The following BOC variants were observed in gnomAD, a reference collection of about 807,000 sequenced individuals.
The protein encoded by BOC is brother of CDO.
Under a neutral mutation model 112.0 loss-of-function variants are expected in BOC, and 76 were observed. The observed-to-expected ratio is 0.68, with a 90% CI of 0.56 to 0.82. The LOEUF (loss-of-function observed/expected upper bound fraction) is 0.82, where lower values mean the gene tolerates loss of function less well. BOC is among the 40% of genes least tolerant of loss of function. The pLI is 0.00. For missense variants in BOC, 1,309 were observed against 1,511.7 expected (o/e 0.87, Z 2.22); for synonymous variants, 580 against 599.8 (o/e 0.97, Z 0.48).
In BOC at chr3:113,279,430, C is replaced by T. The variant is rs149565679; in HGVS notation, c.1998C>T (p.Ser666=). Residue 666 remains serine, a synonymous_variant, in exon 12 of 20, where the codon TCC becomes TCT. Coordinates refer to ENST00000682979, the MANE Select transcript of BOC (RefSeq NM_001378074.1). The part of the protein sequence containing the change: ...ATSAIPPSRL[S]VEITGLEKGT... ...GCGCCATCCCCCCATCGCGGCTGTC[C>T]GTGGAGATCACGGGCCTAGAGAAAG... 9.4e-5 allele frequency: 151 copies of T among 1,613,978 alleles called. No individual in the cohort carries two copies. The highest frequency in any genetic ancestry group is 2.3e-4 in the African/African-American group (17 of 74,944).
intron 2 of BOC, chr3:113,216,513 T>C: frequency 3.5e-6 from 1 of 286,244 alleles, no homozygotes; most frequent in East Asian, 8.0e-5. Flanking sequence ...GTCAGACATG[T>C]TAGATACAAA....
rs964039345 is a variant in BOC, at chr3:113,279,420, C to T, written c.1988C>T (p.Ser663Leu). 21 of 1,613,708 alleles carry T rather than the reference C, an allele frequency of 1.3e-5. No homozygotes were observed. The Admixed American group carries it at 1.8e-4, about 14-fold the overall frequency. The change falls in exon 12 of 20, where the codon TCG (serine) becomes TTG (leucine). Residue 663 changes from serine to leucine, a missense_variant. Transcript: ENST00000682979. ...CTGGCCACCAGCGCCATCCCCCCAT[C>T]GCGGCTGTCCGTGGAGATCACGGGC... ...WILATSAIPP[S>L]RLSVEITGLE... is the part of the protein sequence containing the mutation.
rs761706666 is a variant in BOC, at chr3:113,249,826, G to A, written c.24G>A (p.Ala8=). MLRGTMT[A]WRGMRPEVTL... ...CCATGCTGCGTGGGACGATGACGGC[G>A]TGGAGAGGAATGAGGCCTGAGGTCA... Residue 8 remains alanine, a synonymous_variant, in exon 3 of 20, where the codon GCG becomes GCA. Coordinates refer to ENST00000682979, the MANE Select transcript of BOC (RefSeq NM_001378074.1). The A allele has an allele frequency of 6.7e-5, 108 of 1,613,134 alleles. No homozygotes were observed. Among genetic ancestry groups the A allele is most frequent in the Non-Finnish European group, 6.4e-5 (76 of 1,179,784 alleles).
At chr3:113,276,566 G>T (rs775424969) in intron 9 of BOC, among the ~76,000 whole-genome samples, 1 of 152,190 alleles carries the variant, frequency 6.6e-6, no homozygotes, top group East Asian at 1.9e-4. Flanking sequence ...AAGATCACCC[G>T]AGAAAGAATT....
At chr3:113,271,619 G>C (rs1001345765) in intron 6 of BOC, 1 of 177,616 alleles carries the variant, frequency 5.6e-6, no homozygotes, top group Non-Finnish European at 1.2e-5. Context: ...CCCTAACTTT[G>C]TATGTATCAT....
In BOC at chr3:113,280,578, C is replaced by T. The variant is rs1426190099; in HGVS notation, c.2226C>T (p.Asn742=). The T allele has an allele frequency of 5.0e-6, 8 of 1,610,822 alleles. No individual in the cohort carries two copies. In the African/African-American group the frequency reaches 8.0e-5, roughly 16 times the overall value. ...TATAGTACATCCCAGCAAGTAACAA[C>T]AACACCCCAATCCATGGCTTTTATA... The part of the protein sequence containing the change: ...LKWMYIPASN[N]NTPIHGFYIY... The change falls in exon 14 of 20, where the codon AAC becomes AAT. Residue 742 remains asparagine (N), a synonymous_variant. Coordinates refer to ENST00000682979, the MANE Select transcript of BOC (RefSeq NM_001378074.1).
intron 4 of BOC, among the ~76,000 whole-genome samples, chr3:113,267,661 G>A (rs1207329602): frequency 6.6e-6 from 1 of 152,210 alleles, no homozygotes; most frequent in Non-Finnish European, 1.5e-5. Context: ...TATAACCATG[G>A]CCGGCAACCA....
chr3:113,280,905 G>T, intron 14 of BOC, 126 bp from the exon 15 acceptor site: 1 of 1,320,682 alleles, frequency 7.6e-7, no homozygotes, highest in South Asian at 1.3e-5. Context: ...TCCTCCACAC[G>T]CCGCCCCTGT....
In BOC at chr3:113,273,286, C is replaced by G; in HGVS notation, c.1179C>G (p.Ala393=). ...PEDEGVYQCM[A]ENEVGSAHAV... The stretch of plus-strand genomic sequence containing the variant: ...ACGAAGGCGTCTACCAGTGCATGGC[C>G]GAGAACGAGGTTGGGAGCGCCCATG... The change falls in exon 8 of 20, where the codon GCC becomes GCG. Residue 393 remains alanine (A), a synonymous_variant. Transcript: ENST00000682979. 3 of 1,606,332 alleles carry G rather than the reference C, an allele frequency of 1.9e-6. No homozygotes were observed. The highest frequency in any genetic ancestry group is 1.7e-6 in the Non-Finnish European group (2 of 1,174,344).
chr3:113,273,306 C>T lies in BOC; in HGVS notation c.1199C>T (p.Ala400Val). Residue 400 changes from alanine (A) to valine (V), a missense_variant, in exon 8 of 20, where the codon GCC becomes GTC. Coordinates refer to ENST00000682979, the MANE Select transcript of BOC (RefSeq NM_001378074.1). ...ATGGCCGAGAACGAGGTTGGGAGCG[C>T]CCATGCCGTAGTCCAGCTGCGGACC... ...QCMAENEVGS[A>V]HAVVQLRTSR... 1.3e-6 allele frequency: 2 copies of T among 1,599,202 alleles called. No homozygotes were observed. Among genetic ancestry groups the T allele is most frequent in the Non-Finnish European group, 1.7e-6 (2 of 1,168,450 alleles).
intron 17 of BOC, 27 bp from the exon 18 acceptor site, chr3:113,284,755 C>T (rs537634278): frequency 9.3e-6 from 15 of 1,609,160 alleles, no homozygotes; most frequent in African/African-American, 6.7e-5. Context: ...CCGGCGTGGC[C>T]GTCTCATTAC....
At chr3:113,227,355 G>T (rs921133762) in intron 2 of BOC, among the ~76,000 whole-genome samples, 2 of 152,220 alleles carry the variant, frequency 1.3e-5, no homozygotes, top group Admixed American at 6.5e-5. Context: ...GTCAGAGTTG[G>T]CAGCTTGTCA....
chr3:113,218,130 A>G (rs1939830537), intron 2 of BOC, among the ~76,000 whole-genome samples: 1 of 152,188 alleles, frequency 6.6e-6, no homozygotes, highest in South Asian at 2.1e-4. Flanking sequence ...AGCACACAGG[A>G]TGGGAGCTAC....
intron 4 of BOC, among the ~76,000 whole-genome samples, chr3:113,254,540 GC>G (rs1421941536): frequency 6.6e-6 from 1 of 152,140 alleles, no homozygotes; most frequent in East Asian, 1.9e-4. Flanking sequence ...TTGCTGGTTG[GC>G]TGATGTATGA....
In BOC at chr3:113,274,391, A is replaced by G. The variant is rs369561468; in HGVS notation, c.1251A>G (p.Leu417=). ...RTSRPSITPR[L]WQDAELATGT... ...GTCCTCCAGGCATAACCCCAAGGCT[A>G]TGGCAGGATGCTGAGCTGGCTACTG... Residue 417 remains leucine (L), a synonymous_variant, in exon 9 of 20, where the codon CTA becomes CTG. Transcript: ENST00000682979. This position sits in a 1 kb window ranked among gnomAD's most constrained non-coding sequence, Gnocchi z 4.8. 4 of 1,552,660 alleles carry G rather than the reference A, an allele frequency of 2.6e-6. No individual in the cohort carries two copies. Among genetic ancestry groups the G allele is most frequent in the African/African-American group, 1.4e-5 (1 of 73,798 alleles).
chr3:113,284,591 G>A (rs754126226), intron 17 of BOC, 24 bp downstream of exon 17: 14 of 1,595,590 alleles, frequency 8.8e-6, no homozygotes, highest in South Asian at 6.7e-5. Flanking sequence ...GGGTGTGGGC[G>A]GCAGGTATGG....
intron 6 of BOC, chr3:113,272,118 TTCTC>T: frequency 2.1e-6 from 1 of 480,762 alleles, no homozygotes; most frequent in Non-Finnish European, 3.8e-6. Flanking sequence ...TCCCTCACCT[TTCTC>T]TCTTTGCCAG....
chr3:113,277,217 G>A (rs1948753147), intron 9 of BOC, among the ~76,000 whole-genome samples: 1 of 152,244 alleles, frequency 6.6e-6, no homozygotes, highest in Non-Finnish European at 1.5e-5. Flanking sequence ...AGAGAGGCCA[G>A]GCATTTGCTG....
chr3:113,250,870 T>A, intron 4 of BOC, 37 bp downstream of exon 4: 1 of 1,606,730 alleles, frequency 6.2e-7, no homozygotes, highest in Admixed American at 1.7e-5. Flanking sequence ...CATGGTGCGG[T>A]CCCTCCTCAT....
Sources: allele counts gnomAD v4.1 joint callset (sites outside exome capture counted in the v4.1 genomes callset), GRCh38; gene constraint gnomAD v4.1.1; non-coding constraint Gnocchi (gnomAD v3.1); transcripts MANE v1.5; gene names NCBI Gene and HGNC (gene_info 2026-07-23, HGNC 2026-07-21).